POMP: variants seen among roughly 807,000 people sequenced by gnomAD.
POMP encodes the protein 2510048O06Rik.
In POMP, 12 loss-of-function variants were observed where a neutral mutation model predicts 20.6. The ratio of observed to expected loss-of-function variants is 0.58; its 90% CI spans 0.37 to 0.94. The LOEUF (loss-of-function observed/expected upper bound fraction) is 0.94, where lower values mean the gene tolerates loss of function less well. POMP is among the 40% of genes least tolerant of loss of function. The pLI is 0.01. For missense variants in POMP, 136 were observed against 161.1 expected (o/e 0.84, Z 0.84); for synonymous variants, 53 against 55.0 (o/e 0.96, Z 0.16).
At position 28,664,545 on chromosome 13, in the gene POMP, T is replaced by C; in HGVS notation, c.138T>C (p.His46=). The C allele has an allele frequency of 6.4e-7, 1 of 1,574,708 alleles. No individual in the cohort carries two copies. Among genetic ancestry groups the C allele is most frequent in the African/African-American group, 1.3e-5 (1 of 74,116 alleles). The change falls in exon 3 of 6, where the codon CAT becomes CAC. Residue 46 remains histidine (H), a synonymous_variant. Transcript: ENST00000380842. ...TGAAAAATGAACTTTTGCCTAGTCATCCCCTTGAATTATCAGAAAAAAATG... is the reference window on the plus strand; with the variant it reads ...TGAAAAATGAACTTTTGCCTAGTCACCCCCTTGAATTATCAGAAAAAAATG... The part of the protein sequence containing the change: ...SCVKNELLPS[H]PLELSEKNFQ...
At chr13:28,659,222 G>A (rs1884288155) in intron 1 of POMP, 35 bp downstream of exon 1, 4 of 1,579,060 alleles carry the variant, frequency 2.5e-6, no homozygotes, top group Non-Finnish European at 3.4e-6. Context: ...AGTTCCACGC[G>A]GGCTCGGGAC....
chr13:28,675,256 T>A (rs1884610111), intron 5 of POMP, among the ~76,000 whole-genome samples: 1 of 151,488 alleles, frequency 6.6e-6, no homozygotes, highest in Admixed American at 6.6e-5. Context: ...TTCTCCTGCC[T>A]CAGCCTCCCA....
chr13:28,659,159 A>G lies in POMP; in HGVS notation c.-26A>G. 1.3e-6 allele frequency: 2 copies of G among 1,582,026 alleles called. No individual in the cohort carries two copies. The highest frequency in any genetic ancestry group is 1.7e-6 in the Non-Finnish European group (2 of 1,164,918). Reference sequence around the variant, plus strand: ...GGGTCGACTGACGGTAACGGGGCAGAGAGGCTGTTCGCAGAGCTGCGGAAG... The same window carrying G: ...GGGTCGACTGACGGTAACGGGGCAGGGAGGCTGTTCGCAGAGCTGCGGAAG... On this transcript the variant is annotated 5_prime_UTR_variant, in exon 1 of 6. Coordinates refer to ENST00000380842, the MANE Select transcript of POMP (RefSeq NM_015932.6).
At chr13:28,664,405 CA>C (rs1192016303) in intron 2 of POMP, 103 bp from the exon 3 acceptor site, 24 of 747,850 alleles carry the variant, frequency 3.2e-5, no homozygotes, top group Non-Finnish European at 5.0e-5. Context: ...TTTGTCACCC[CA>C]AAAAACTCTC....
chr13:28,664,503 T>A lies in POMP; in HGVS notation c.102-6T>A. 6.4e-7 allele frequency: 1 copy of A among 1,564,296 alleles called. No individual in the cohort carries two copies. Among genetic ancestry groups the A allele is most frequent in the Non-Finnish European group, 8.8e-7 (1 of 1,137,416 alleles). On this transcript the variant is annotated splice_region_variant and splice_polypyrimidine_tract_variant and intron_variant, in intron 2 of 5. Transcript: ENST00000380842. Reference sequence around the variant, plus strand: ...TCTAAATGTTTTTTTTTTAATGTCCTTTCAGTTTTTCTTGTGTGAAAAATG... The same window carrying A: ...TCTAAATGTTTTTTTTTTAATGTCCATTCAGTTTTTCTTGTGTGAAAAATG...
chr13:28,659,294 A>G (rs986931026), intron 1 of POMP, 107 bp downstream of exon 1: 2 of 1,508,532 alleles, frequency 1.3e-6, no homozygotes, highest in Non-Finnish European at 8.9e-7. Context: ...CGGCGGCGGC[A>G]GCGTGGGGCT....
chr13:28,676,108 G>A (rs1370709145), intron 5 of POMP, among the ~76,000 whole-genome samples: 4 of 151,958 alleles, frequency 2.6e-5, no homozygotes, highest in African/African-American at 7.2e-5. Flanking sequence ...GGGTTCAAGC[G>A]ATTCTCCTGC....
At chr13:28,669,604 T>TCCTGGCCTCAAGCTATCATCC (rs1346541712) in intron 4 of POMP, among the ~76,000 whole-genome samples, 1 of 152,126 alleles carries the variant, frequency 6.6e-6, no homozygotes, top group Non-Finnish European at 1.5e-5. Flanking sequence ...GGTCCTAAAC[T>TCCTGGCCTCAAGCTATCATCC]CCTGGCCTCA....
chr13:28,659,280 G>A, intron 1 of POMP, 93 bp downstream of exon 1: 1 of 1,518,422 alleles, frequency 6.6e-7, no homozygotes, highest in Non-Finnish European at 8.9e-7. Flanking sequence ...GTCCCCGGTG[G>A]CGGCGGCGGC....
chr13:28,664,005 G>T (rs796374508), intron 2 of POMP, among the ~76,000 whole-genome samples: 12 of 152,248 alleles, frequency 7.9e-5, no homozygotes, highest in African/African-American at 2.4e-4. Context: ...AAGACCAGTG[G>T]CCTGGTTCTA....
intron 1 of POMP, 135 bp from the exon 2 acceptor site, chr13:28,662,275 G>C: frequency 1.6e-6 from 1 of 632,638 alleles, no homozygotes; most frequent in Non-Finnish European, 2.8e-6. Context: ...AAGGCTTGCT[G>C]TAATTGTCTA....
At chr13:28,663,362 G>A (rs1424923645) in intron 2 of POMP, among the ~76,000 whole-genome samples, 2 of 152,138 alleles carry the variant, frequency 1.3e-5, no homozygotes, top group South Asian at 2.1e-4. Context: ...CCAGGCTGGA[G>A]TGCAATGGCG....
At chr13:28,672,259 G>T in intron 4 of POMP, 80 bp from the exon 5 acceptor site, 2 of 1,143,458 alleles carry the variant, frequency 1.7e-6, no homozygotes, top group Non-Finnish European at 2.7e-6. Flanking sequence ...AAAGAATAAA[G>T]AACATGAAAT....
chr13:28,659,253 C>A (rs1249153199), intron 1 of POMP, 66 bp downstream of exon 1: 1 of 1,555,308 alleles, frequency 6.4e-7, no homozygotes, highest in East Asian at 2.4e-5. Flanking sequence ...CAGAAACAGG[C>A]AGTCGCCTCC....
chr13:28,677,235 T>C (rs1229358607), intron 5 of POMP, among the ~76,000 whole-genome samples: 1 of 152,190 alleles, frequency 6.6e-6, no homozygotes, highest in Non-Finnish European at 1.5e-5. Flanking sequence ...TGAGTGCCTT[T>C]TATATACACA....
At chr13:28,662,564 T>A in intron 2 of POMP, 57 bp downstream of exon 2, 1 of 1,388,662 alleles carries the variant, frequency 7.2e-7, no homozygotes, top group Non-Finnish European at 1.0e-6. Flanking sequence ...TTTCACAATA[T>A]TCTTTAAGTA....
intron 3 of POMP, among the ~76,000 whole-genome samples, chr13:28,667,270 T>C (rs1321848489): frequency 6.6e-6 from 1 of 152,170 alleles, no homozygotes; most frequent in Non-Finnish European, 1.5e-5. Context: ...GGTGTGCCTG[T>C]AGTCCCAGCG....
intron 4 of POMP, among the ~76,000 whole-genome samples, chr13:28,668,842 T>G (rs1018114002): frequency 1.3e-4 from 20 of 152,146 alleles, no homozygotes; most frequent in Non-Finnish European, 8.8e-5. Flanking sequence ...ACATTGAATT[T>G]GAGATCCCTC....
At chr13:28,660,153 C>T (rs546177073) in intron 1 of POMP, among the ~76,000 whole-genome samples, 1 of 152,230 alleles carries the variant, frequency 6.6e-6, no homozygotes, top group South Asian at 2.1e-4. Context: ...TAAAGCAGTC[C>T]AGAAGGAGGA....
Sources: allele counts gnomAD v4.1 joint callset (sites outside exome capture counted in the v4.1 genomes callset), GRCh38; gene constraint gnomAD v4.1.1; transcripts MANE v1.5; gene names NCBI Gene and HGNC (gene_info 2026-07-23, HGNC 2026-07-21).